The following IQSEC1 variants were observed in gnomAD, a reference collection of about 807,000 sequenced individuals.
The protein encoded by IQSEC1 is IQ motif and Sec7 domain ArfGEF 1.
In IQSEC1, 31 loss-of-function variants were observed where a neutral mutation model predicts 91.0. The observed-to-expected ratio is 0.34, with a 90% CI of 0.26 to 0.46. IQSEC1 has a LOEUF of 0.46. Ranked by LOEUF, IQSEC1 falls within the 20% of genes least tolerant of loss-of-function variation. The probability of loss-of-function intolerance (pLI) is 1.00; values close to 1 mark genes in which losing one functional copy is unlikely to be tolerated. For synonymous variants in IQSEC1, 699 were observed against 662.6 expected, an observed-to-expected ratio of 1.05 and a Z score of -0.84; for missense variants, 1,388 against 1,575.6, an observed-to-expected ratio of 0.88 and a Z score of 2.02.
chr3:13,103,876 A>G lies in IQSEC1; in HGVS notation c.303-56354T>C, dbSNP rs372269647. Among the ~76,000 whole-genome samples, 7 of 152,336 alleles carry G rather than the reference A, an allele frequency of 4.6e-5. No homozygotes were observed. Among genetic ancestry groups the G allele is most frequent in the Admixed American group, 2.0e-4 (3 of 15,302 alleles). On this transcript the variant is annotated intron_variant, in intron 2 of 15. Transcript: ENST00000648114. The surrounding 1 kb of genome is among the most constrained non-coding windows in gnomAD (Gnocchi z 4.1). Reference sequence around the variant, plus strand: ...TCAGTAAGTCACTAAATGAGCAGCAATATTTGCCAAAACTTAGGACATTAC... The same window carrying G: ...TCAGTAAGTCACTAAATGAGCAGCAGTATTTGCCAAAACTTAGGACATTAC...
chr3:12,973,477 C>T (rs1023100475), intron 1 of IQSEC1, among the ~76,000 whole-genome samples: 9 of 152,280 alleles, frequency 5.9e-5, no homozygotes, highest in Non-Finnish European at 7.4e-5. Context: ...GGGAACATTG[C>T]GCTCCATGCA....
At chr3:13,129,811 C>T (rs997401041) in intron 2 of IQSEC1, among the ~76,000 whole-genome samples, 6 of 151,764 alleles carry the variant, frequency 4.0e-5, no homozygotes, top group Non-Finnish European at 8.8e-5. Flanking sequence ...GTGCCCAACA[C>T]CACGCCCGGC....
intron 1 of IQSEC1, among the ~76,000 whole-genome samples, chr3:12,954,116 C>T (rs968407480): frequency 6.6e-6 from 1 of 152,210 alleles, no homozygotes; most frequent in African/African-American, 2.4e-5. Context: ...TTTCCGGCCC[C>T]AGGGAGGTGA....
chr3:13,144,807 G>T (rs975663037), intron 2 of IQSEC1, among the ~76,000 whole-genome samples: 2 of 151,494 alleles, frequency 1.3e-5, no homozygotes, highest in Non-Finnish European at 2.9e-5. Flanking sequence ...TGCTGAGAAG[G>T]AACACAGGCT....
chr3:12,925,500 C>T (rs370868244), intron 3 of IQSEC1, among the ~76,000 whole-genome samples: 4 of 152,208 alleles, frequency 2.6e-5, no homozygotes, highest in East Asian at 1.9e-4. Flanking sequence ...CCTGCAACGA[C>T]GCACTCAGTA....
intron 2 of IQSEC1, among the ~76,000 whole-genome samples, chr3:13,112,874 T>C (rs111371306): frequency 3.4e-4 from 52 of 152,294 alleles, no homozygotes; most frequent in African/African-American, 1.2e-3. Flanking sequence ...ACGTCGTCAC[T>C]GAGGCCAGGC....
intron 1 of IQSEC1, among the ~76,000 whole-genome samples, chr3:13,281,500 C>A (rs1306065787): frequency 6.6e-6 from 1 of 152,148 alleles, no homozygotes; most frequent in Non-Finnish European, 1.5e-5. Context: ...CCCATCCTCA[C>A]AATGCTCCTC....
intron 1 of IQSEC1, among the ~76,000 whole-genome samples, chr3:13,012,586 G>A (rs360829): frequency 0.27 from 41,798 of 152,152 alleles, 6,409 homozygotes; most frequent in Middle Eastern, 0.37. Context: ...GGCTGGTGAC[G>A]ACCGAATGAA....
chr3:13,165,148 T>C (rs898650300), intron 1 of IQSEC1, among the ~76,000 whole-genome samples: 3 of 152,152 alleles, frequency 2.0e-5, no homozygotes, highest in Non-Finnish European at 4.4e-5. Flanking sequence ...AGGCAGGTAG[T>C]CCCCAGCAAT....
chr3:12,907,583 G>A (rs952232333), intron 12 of IQSEC1, among the ~76,000 whole-genome samples: 14 of 152,216 alleles, frequency 9.2e-5, no homozygotes, highest in African/African-American at 2.9e-4. Context: ...GGCACGAGCC[G>A]GCACCCACCG....
intron 1 of IQSEC1, among the ~76,000 whole-genome samples, chr3:13,275,404 G>A (rs952384231): frequency 1.3e-5 from 2 of 152,188 alleles, no homozygotes; most frequent in East Asian, 1.9e-4. Flanking sequence ...ACTGATACCT[G>A]GGTTCTAAGA....
chr3:13,255,614 G>A (rs1345289526), intron 1 of IQSEC1, among the ~76,000 whole-genome samples: 2 of 89,788 alleles, frequency 2.2e-5, no homozygotes, highest in Admixed American at 2.0e-4. Context: ...ACAGTGTTTT[G>A]GGGTTTTTTT....
At chr3:13,062,588 T>C (rs1402381705) in intron 1 of IQSEC1, among the ~76,000 whole-genome samples, 1 of 152,074 alleles carries the variant, frequency 6.6e-6, no homozygotes, top group Non-Finnish European at 1.5e-5. Flanking sequence ...CACCTGGTCT[T>C]GGAGAGCTCC....
intron 1 of IQSEC1, among the ~76,000 whole-genome samples, chr3:12,954,502 G>A (rs1301454215): frequency 6.6e-6 from 1 of 152,182 alleles, no homozygotes; most frequent in African/African-American, 2.4e-5. Flanking sequence ...TGGGGGAGAG[G>A]GGTTCCCCTC....
At chr3:13,163,604 C>A (rs1470337392) in intron 2 of IQSEC1, among the ~76,000 whole-genome samples, 2 of 152,136 alleles carry the variant, frequency 1.3e-5, no homozygotes, top group East Asian at 3.9e-4. Flanking sequence ...TCCATGTCCA[C>A]CCCCACCTAC....
chr3:12,902,014 T>C (rs1316467275), intron 13 of IQSEC1, among the ~76,000 whole-genome samples: 1 of 151,440 alleles, frequency 6.6e-6, no homozygotes, highest in Non-Finnish European at 1.5e-5. Flanking sequence ...GGTCCTGAGG[T>C]CTCGGGGGAG....
At chr3:13,191,126 C>T (rs963828985) in intron 1 of IQSEC1, among the ~76,000 whole-genome samples, 4 of 152,214 alleles carry the variant, frequency 2.6e-5, no homozygotes, top group Non-Finnish European at 4.4e-5. Context: ...TTACATTCAG[C>T]CGTGGATCCT....
chr3:13,260,495 G>A (rs940596548), intron 1 of IQSEC1, among the ~76,000 whole-genome samples: 1 of 152,202 alleles, frequency 6.6e-6, no homozygotes. Context: ...TTCACTGAGT[G>A]ACAATTTTTG....
intron 2 of IQSEC1, among the ~76,000 whole-genome samples, chr3:13,134,114 C>T (rs891054258): frequency 2.0e-5 from 3 of 152,344 alleles, no homozygotes; most frequent in African/African-American, 2.4e-5. Flanking sequence ...TGAGGGAGTT[C>T]ATCTCCCTCC....
Sources: allele counts gnomAD v4.1 joint callset (sites outside exome capture counted in the v4.1 genomes callset), GRCh38; gene constraint gnomAD v4.1.1; non-coding constraint Gnocchi (gnomAD v3.1); transcripts MANE v1.5; gene names NCBI Gene and HGNC (gene_info 2026-07-23, HGNC 2026-07-21).